MINDY3: variants seen among roughly 807,000 people sequenced by gnomAD.
MINDY3 encodes the protein ubiquitin carboxyl-terminal hydrolase MINDY-3.
MINDY3 carries 38 observed loss-of-function variants against 69.2 expected under a neutral mutation model. That is an observed-to-expected ratio of 0.55 (90% CI 0.42 to 0.72). The LOEUF (loss-of-function observed/expected upper bound fraction) is 0.72. Ranked by LOEUF, MINDY3 falls within the 30% of genes least tolerant of loss-of-function variation. MINDY3 has a pLI of 0.00. For synonymous variants in MINDY3, 192 were observed against 180.1 expected, an observed-to-expected ratio of 1.07 and a Z score of -0.53; for missense variants, 522 against 519.0, an observed-to-expected ratio of 1.01 and a Z score of -0.06.
chr10:15,835,385 T>C (rs1833005835), intron 6 of MINDY3, among the ~76,000 whole-genome samples: 1 of 152,108 alleles, frequency 6.6e-6, no homozygotes, highest in African/African-American at 2.4e-5. Context: ...TTTCTAAGAA[T>C]TAAATAGATG....
chr10:15,839,703 C>T (rs1479118243), intron 4 of MINDY3, among the ~76,000 whole-genome samples: 2 of 151,500 alleles, frequency 1.3e-5, no homozygotes, highest in Non-Finnish European at 3.0e-5. Flanking sequence ...TAGATTGTTA[C>T]ACGGAATAAA....
chr10:15,816,260 C>CAAAAAAA (rs1164005904), intron 10 of MINDY3, among the ~76,000 whole-genome samples: 2 of 26,806 alleles, frequency 7.5e-5, no homozygotes, highest in Non-Finnish European at 1.6e-4. Flanking sequence ...GACTCCATCT[C>CAAAAAAA]AAAAAAAAAA....
chr10:15,829,158 T>A (rs1335236075), intron 8 of MINDY3, among the ~76,000 whole-genome samples: 2 of 151,934 alleles, frequency 1.3e-5, no homozygotes, highest in Non-Finnish European at 2.9e-5. Context: ...CCATAGATGA[T>A]CAGAGGGAGG....
chr10:15,796,076 A>C, intron 11 of MINDY3, 24 bp downstream of exon 11: 2 of 1,567,778 alleles, frequency 1.3e-6, no homozygotes, highest in Non-Finnish European at 1.8e-6. Flanking sequence ...CATAAAACAC[A>C]GAGATGATGT....
intron 10 of MINDY3, among the ~76,000 whole-genome samples, chr10:15,810,637 T>TATA (rs145600126): frequency 0.013 from 2,040 of 152,218 alleles, 49 homozygotes; most frequent in African/African-American, 0.046. Context: ...CTACAGTGTG[T>TATA]TCTATAATGT....
chr10:15,859,630 T>C (rs535019186), intron 1 of MINDY3, among the ~76,000 whole-genome samples: 371 of 142,484 alleles, frequency 2.6e-3, no homozygotes, highest in Non-Finnish European at 3.7e-3. Flanking sequence ...CCGTGACAGA[T>C]AATAAACCAT....
chr10:15,848,159 A>G (rs993404522), intron 1 of MINDY3, among the ~76,000 whole-genome samples: 4 of 152,178 alleles, frequency 2.6e-5, no homozygotes, highest in Non-Finnish European at 5.9e-5. Context: ...TACTCACACA[A>G]TTTTGCACCC....
intron 13 of MINDY3, among the ~76,000 whole-genome samples, chr10:15,785,013 G>A (rs963733149): frequency 6.6e-6 from 1 of 152,108 alleles, no homozygotes; most frequent in Non-Finnish European, 1.5e-5. Flanking sequence ...ATCACTTGCA[G>A]GGCTTGTTAG....
chr10:15,837,081 C>T (rs1048626996), intron 6 of MINDY3, 123 bp downstream of exon 6: 21 of 584,330 alleles, frequency 3.6e-5, no homozygotes, highest in South Asian at 1.3e-4. Context: ...TCATTTTCAA[C>T]GTAAAAGATT....
intron 8 of MINDY3, among the ~76,000 whole-genome samples, chr10:15,832,473 A>G (rs1268247311): frequency 6.6e-6 from 1 of 152,176 alleles, no homozygotes; most frequent in African/African-American, 2.4e-5. Context: ...ACAGGATTAA[A>G]TGCTTTCAGC....
chr10:15,859,277 C>T (rs1046681865), intron 1 of MINDY3, among the ~76,000 whole-genome samples: 1 of 152,052 alleles, frequency 6.6e-6, no homozygotes, highest in Non-Finnish European at 1.5e-5. Flanking sequence ...AAATTCCGCC[C>T]AATCTATTTC....
intron 2 of MINDY3, among the ~76,000 whole-genome samples, chr10:15,845,813 ATTTT>A (rs891710697): frequency 2.6e-4 from 13 of 49,334 alleles, no homozygotes; most frequent in African/African-American, 1.0e-3. Context: ...GGCCTATGTG[ATTTT>A]TTTTTTTTTT....
At position 15,782,194 on chromosome 10, in the gene MINDY3, G is replaced by A. The variant is rs1230281289; in HGVS notation, c.1149C>T (p.Tyr383=). Residue 383 remains tyrosine (Y), a synonymous_variant, in exon 14 of 15, where the codon TAC becomes TAT. Coordinates refer to ENST00000277632, the MANE Select transcript of MINDY3 (RefSeq NM_024948.4). The part of the protein sequence containing the change: ...GSSGPESFTV[Y]HYNGLKQSNY... ...TTGACTGCTTCAATCCATTGTAGTG[G>A]TAGACAGTAAAAGATTCTGGACCAC... The A allele has an allele frequency of 1.2e-6, 2 of 1,610,290 alleles. No individual in the cohort carries two copies. The highest frequency in any genetic ancestry group is 2.7e-5 in the African/African-American group (2 of 74,754).
At chr10:15,800,451 T>C (rs1378813232) in intron 10 of MINDY3, among the ~76,000 whole-genome samples, 2 of 152,122 alleles carry the variant, frequency 1.3e-5, no homozygotes, top group African/African-American at 2.4e-5. Context: ...GCTTGTGTTG[T>C]ATCTGCTCAG....
At chr10:15,783,749 GA>G (rs1441059801) in intron 13 of MINDY3, among the ~76,000 whole-genome samples, 1 of 152,084 alleles carries the variant, frequency 6.6e-6, no homozygotes, top group Non-Finnish European at 1.5e-5. Context: ...ACAGAAAATA[GA>G]AAAATCAATT....
intron 10 of MINDY3, among the ~76,000 whole-genome samples, chr10:15,798,800 A>ACAAACAAT (rs58992930): frequency 0.015 from 2,215 of 151,290 alleles, 51 homozygotes; most frequent in African/African-American, 0.05. Flanking sequence ...AAACAAACAA[A>ACAAACAAT]AAACCACTAT....
intron 10 of MINDY3, among the ~76,000 whole-genome samples, chr10:15,806,233 A>C (rs1193266448): frequency 6.6e-6 from 1 of 152,138 alleles, no homozygotes; most frequent in African/African-American, 2.4e-5. Flanking sequence ...AGAGCAGTCT[A>C]TATTTTCCTC....
intron 3 of MINDY3, 107 bp from the exon 4 acceptor site, chr10:15,841,706 T>A: frequency 1.7e-6 from 1 of 599,652 alleles, no homozygotes; most frequent in Non-Finnish European, 2.7e-6. Flanking sequence ...TCAAGCATTT[T>A]AAAAATGGGG....
intron 1 of MINDY3, 118 bp downstream of exon 1, chr10:15,860,088 C>T (rs1414595821): frequency 2.7e-6 from 2 of 751,092 alleles, no homozygotes; most frequent in Non-Finnish European, 4.5e-6. Flanking sequence ...CAGCGCTGAG[C>T]ACGGCGACTG....
Sources: gnomAD v4.1 joint callset for allele counts (sites outside exome capture counted in the v4.1 genomes callset) on GRCh38, gnomAD v4.1.1 for gene constraint, MANE v1.5 for transcripts, NCBI Gene and HGNC (gene_info 2026-07-23, HGNC 2026-07-21) for gene names.